The following UBE4B variants were observed in gnomAD, a reference collection of about 807,000 sequenced individuals.
The protein encoded by UBE4B is ubiquitin conjugation factor E4 B.
In UBE4B, 27 loss-of-function variants were observed where a neutral mutation model predicts 148.1. That is an observed-to-expected ratio of 0.18 (90% CI 0.13 to 0.25). The LOEUF is 0.25. Ranked by LOEUF, UBE4B falls within the 10% of genes least tolerant of loss-of-function variation. The pLI is 1.00. For missense variants in UBE4B, 1,170 were observed against 1,662.4 expected, an observed-to-expected ratio of 0.70 and a Z score of 5.15; for synonymous variants, 596 against 619.3, an observed-to-expected ratio of 0.96 and a Z score of 0.56.
intron 1 of UBE4B, among the ~76,000 whole-genome samples, chr1:10,057,141 T>A (rs1398075413): frequency 6.6e-6 from 1 of 152,030 alleles, no homozygotes; most frequent in Non-Finnish European, 1.5e-5. Context: ...AGTAATAATA[T>A]TAATATTTTA....
chr1:10,167,177 C>T (rs562650204), intron 23 of UBE4B, among the ~76,000 whole-genome samples: 1 of 151,750 alleles, frequency 6.6e-6, no homozygotes, highest in East Asian at 2.0e-4. Flanking sequence ...CGGTGGCTTA[C>T]GCCTGTAATC....
chr1:10,149,149 C>G (rs983243431), intron 19 of UBE4B, 35 bp from the exon 20 acceptor site: 2 of 1,464,926 alleles, frequency 1.4e-6, no homozygotes, highest in Admixed American at 2.2e-5. Flanking sequence ...ACCATAATTT[C>G]ATTTAATAAA....
intron 2 of UBE4B, among the ~76,000 whole-genome samples, chr1:10,091,918 T>A (rs1644855122): frequency 6.6e-6 from 1 of 152,050 alleles, no homozygotes; most frequent in African/African-American, 2.4e-5. Context: ...CCTGACTAAT[T>A]TTTTAAGTAT....
chr1:10,160,838 G>A (rs1646148251), intron 22 of UBE4B, among the ~76,000 whole-genome samples: 1 of 152,168 alleles, frequency 6.6e-6, no homozygotes. Flanking sequence ...AGCTACTTAG[G>A]AGGCTGAGGC....
intron 17 of UBE4B, among the ~76,000 whole-genome samples, chr1:10,137,947 TTTTTTGA>T: frequency 7.1e-6 from 1 of 140,000 alleles, no homozygotes; most frequent in Admixed American, 7.3e-5. Context: ...TTTTTTTTTT[TTTTTTGA>T]GACGGAGTCT....
intron 25 of UBE4B, 98 bp from the exon 26 acceptor site, chr1:10,178,546 A>G (rs1646460941): frequency 1.5e-6 from 2 of 1,309,620 alleles, no homozygotes; most frequent in South Asian, 3.5e-5. Context: ...TTAGTGGGGG[A>G]AAATCCACAA....
chr1:10,116,142 A>C lies in UBE4B; in HGVS notation c.1197-1317A>C, dbSNP rs1353327638. Among the ~76,000 whole-genome samples the C allele has an allele frequency of 3.9e-5, 6 of 152,120 alleles. No individual in the cohort carries two copies. The South Asian group carries it at 8.3e-4, about 21-fold the overall frequency. On this transcript the variant is annotated intron_variant, in intron 7 of 27. Coordinates refer to ENST00000343090, the MANE Select transcript of UBE4B (RefSeq NM_001105562.3). Reference sequence around the variant, plus strand: ...TCTCTCACATTCCTGATGTTCCCATACTTTTTTTCTTTTATTTTAGGACAG... The same window carrying C: ...TCTCTCACATTCCTGATGTTCCCATCCTTTTTTTCTTTTATTTTAGGACAG...
At chr1:10,036,092 T>C (rs1217725503) in intron 1 of UBE4B, among the ~76,000 whole-genome samples, 2 of 151,748 alleles carry the variant, frequency 1.3e-5, no homozygotes, top group Non-Finnish European at 2.9e-5. Context: ...CTTTTTTTTT[T>C]TTTTTTTGAT....
intron 4 of UBE4B, among the ~76,000 whole-genome samples, chr1:10,101,503 T>C (rs1020463976): frequency 8.8e-6 from 1 of 113,866 alleles, no homozygotes; most frequent in African/African-American, 3.7e-5. Flanking sequence ...TTTTGCTTTT[T>C]TTTTTTTTTT....
At chr1:10,144,214 C>T (rs1375390755) in intron 17 of UBE4B, among the ~76,000 whole-genome samples, 4 of 152,086 alleles carry the variant, frequency 2.6e-5, no homozygotes, top group Admixed American at 6.6e-5. Flanking sequence ...AAGAGCATTG[C>T]GAGCAGAGGG....
Position 10,160,575 on chromosome 1 carries a change from A to C in UBE4B, c.3054-567A>C, listed in dbSNP as rs111807870. Reference sequence around the variant, plus strand: ...CTGGTTATAAAATTCTGGAATATTTAGCACTTGACTGTCATCAGCCGTGCA... The same window carrying C: ...CTGGTTATAAAATTCTGGAATATTTCGCACTTGACTGTCATCAGCCGTGCA... On this transcript the variant is annotated intron_variant, in intron 22 of 27. Coordinates refer to ENST00000343090, the MANE Select transcript of UBE4B (RefSeq NM_001105562.3). Among the ~76,000 whole-genome samples, 742 of 152,286 alleles carry C rather than the reference A, an allele frequency of 4.9e-3. 8 individuals are homozygous for C. Among genetic ancestry groups the C allele is most frequent in the African/African-American group, 0.017 (692 of 41,546 alleles).
At chr1:10,086,965 C>A (rs1257024780) in intron 2 of UBE4B, among the ~76,000 whole-genome samples, 1 of 152,188 alleles carries the variant, frequency 6.6e-6, no homozygotes, top group Non-Finnish European at 1.5e-5. Context: ...AGCCACCGCG[C>A]CTGGCCTCCC....
intron 25 of UBE4B, among the ~76,000 whole-genome samples, chr1:10,175,458 T>TG (rs1378037043): frequency 1.5e-4 from 23 of 151,360 alleles, no homozygotes; most frequent in Admixed American, 1.1e-3. Context: ...GAGACCGTCC[T>TG]GGCTAACACG....
At chr1:10,111,506 G>A (rs1645220757) in intron 7 of UBE4B, among the ~76,000 whole-genome samples, 1 of 152,040 alleles carries the variant, frequency 6.6e-6, no homozygotes, top group African/African-American at 2.4e-5. Flanking sequence ...GAACACACAC[G>A]CACCCATGCA....
chr1:10,102,852 C>T, intron 4 of UBE4B, 96 bp from the exon 5 acceptor site: 2 of 1,304,646 alleles, frequency 1.5e-6, no homozygotes, highest in African/African-American at 2.9e-5. Context: ...AATATCATCA[C>T]TAATAATGAA....
rs533651774 is a variant in UBE4B, at chr1:10,133,575, A to G, written c.2025+1093A>G. Among the ~76,000 whole-genome samples, 97 of 152,338 alleles carry G rather than the reference A, an allele frequency of 6.4e-4. 1 individual carries two copies. The highest frequency in any genetic ancestry group is 2.1e-3 in the African/African-American group (88 of 41,580). On this transcript the variant is annotated intron_variant, in intron 15 of 27. Coordinates refer to ENST00000343090, the MANE Select transcript of UBE4B (RefSeq NM_001105562.3). ...ACCTAGAGAAACAATGTCACATGAT[A>G]AGAAGTGGAGCAACTTGTTTTGATG...
At chr1:10,124,099 A>C (rs972459572) in intron 10 of UBE4B, among the ~76,000 whole-genome samples, 3 of 151,978 alleles carry the variant, frequency 2.0e-5, no homozygotes, top group Admixed American at 1.3e-4. Context: ...TGAAGTGTAC[A>C]ATTCAGTGGC....
chr1:10,054,064 AT>A (rs199770696), intron 1 of UBE4B, among the ~76,000 whole-genome samples: 4 of 151,634 alleles, frequency 2.6e-5, no homozygotes, highest in African/African-American at 9.7e-5. Context: ...GAAATATTAG[AT>A]TTTTTTTAAA....
chr1:10,152,521 G>C (rs1645993160), intron 21 of UBE4B, among the ~76,000 whole-genome samples: 1 of 151,946 alleles, frequency 6.6e-6, no homozygotes, highest in South Asian at 2.1e-4. Context: ...ATCGGGGCCA[G>C]GTGCGGTGGC....
Sources: gnomAD v4.1 joint callset for allele counts (sites outside exome capture counted in the v4.1 genomes callset) on GRCh38, gnomAD v4.1.1 for gene constraint, MANE v1.5 for transcripts, NCBI Gene and HGNC (gene_info 2026-07-23, HGNC 2026-07-21) for gene names.